The following FLNB variants were observed in gnomAD, a reference collection of about 807,000 sequenced individuals.
FLNB encodes the protein filamin B.
A neutral mutation model predicts 250.6 loss-of-function variants in FLNB; 111 were observed. The observed-to-expected ratio is 0.44, with a 90% confidence interval of 0.38 to 0.52. The LOEUF (loss-of-function observed/expected upper bound fraction) is 0.52. FLNB is among the 20% of genes least tolerant of loss of function. The pLI is 0.00. For missense variants in FLNB, 2,869 were observed against 3,447.8 expected (o/e 0.83, Z 4.20); for synonymous variants, 1,302 against 1,372.1 (o/e 0.95, Z 1.13).
chr3:58,143,273 G>T (rs551971609), intron 31 of FLNB, among the ~76,000 whole-genome samples, 200 bp from the exon 32 acceptor site: 56 of 150,730 alleles, frequency 3.7e-4, no homozygotes, highest in Admixed American at 3.4e-3. Flanking sequence ...GCTATATTTT[G>T]TGGAAGCCAA....
At chr3:58,043,322 A>G (rs1170059017) in intron 1 of FLNB, among the ~76,000 whole-genome samples, 1 of 151,748 alleles carries the variant, frequency 6.6e-6, no homozygotes, top group Non-Finnish European at 1.5e-5. Context: ...TTTAATAGAG[A>G]CAGGATTTCA....
intron 1 of FLNB, among the ~76,000 whole-genome samples, chr3:58,024,714 TTTTTTTTTTTTTTTA>T (rs1196193398): frequency 5.2e-5 from 6 of 115,816 alleles, no homozygotes; most frequent in Admixed American, 1.7e-4. Context: ...TTTTTTTTTT[TTTTTTTTTTTTTTTA>T]ACCTTGAGAC....
chr3:58,153,586 C>A lies in FLNB; in HGVS notation c.6579C>A (p.Ala2193=). The stretch of plus-strand genomic sequence containing the variant: ...TGGGGCCACTTGGTGAAGGAGGCGC[C>A]CACAAGGTGCGGGCAGGAGGCCCTG... ...FTVGPLGEGG[A]HKVRAGGPGL... Residue 2193 remains alanine, a synonymous_variant, in exon 39 of 46, where the codon GCC becomes GCA. Transcript: ENST00000295956. 3 of 1,614,146 alleles carry A rather than the reference C, an allele frequency of 1.9e-6. No homozygotes were observed. The highest frequency in any genetic ancestry group is 2.5e-6 in the Non-Finnish European group (3 of 1,180,034).
intron 12 of FLNB, 145 bp downstream of exon 12, chr3:58,107,018 T>TGTTG: frequency 1.5e-6 from 1 of 687,734 alleles, no homozygotes; most frequent in East Asian, 2.7e-5. Flanking sequence ...TGCATTTGTT[T>TGTTG]GTTTGTTTGT....
At chr3:58,071,635 A>T (rs1489284234) in intron 1 of FLNB, among the ~76,000 whole-genome samples, 2 of 152,184 alleles carry the variant, frequency 1.3e-5, no homozygotes, top group East Asian at 3.8e-4. Flanking sequence ...AGCTACCTGC[A>T]TTGTGGCCAA....
Position 58,109,320 on chromosome 3 carries a change from A to C in FLNB, c.2197A>C (p.Arg733=). ...CGTGAACATCCCGCACAGCCCCTAC[A>C]GGGTAGGTTGTGAGGCAGAATCCTG... ...GGVNIPHSPY[R]VNIGQGSHPQ... is the part of the protein sequence containing the mutation. Residue 733 remains arginine, a splice_region_variant and synonymous_variant, in exon 14 of 46, where the codon AGG becomes CGG. Transcript: ENST00000295956. 6.2e-7 allele frequency: 1 copy of C among 1,613,362 alleles called. No homozygotes were observed. Among genetic ancestry groups the C allele is most frequent in the Non-Finnish European group, 8.5e-7 (1 of 1,179,674 alleles).
chr3:58,112,649 G>GCA (rs150023307), intron 18 of FLNB, among the ~76,000 whole-genome samples: 46 of 152,040 alleles, frequency 3.0e-4, no homozygotes, highest in Admixed American at 1.3e-3. Flanking sequence ...GCACACATGT[G>GCA]CACACACACA....
chr3:58,116,831 T>A (rs2097278940), intron 18 of FLNB, among the ~76,000 whole-genome samples: 1 of 152,180 alleles, frequency 6.6e-6, no homozygotes, highest in Non-Finnish European at 1.5e-5. Context: ...ATGTCTCCAT[T>A]ACGTGCTGTG....
intron 36 of FLNB, chr3:58,149,483 T>C (rs980640548): frequency 3.1e-6 from 1 of 322,664 alleles, no homozygotes; most frequent in African/African-American, 2.1e-5. Flanking sequence ...ATTTAAAAAT[T>C]CAAAATCTCA....
chr3:58,055,267 C>CA (rs11375409), intron 1 of FLNB, among the ~76,000 whole-genome samples: 32,943 of 143,748 alleles, frequency 0.23, 3,967 homozygotes, highest in Middle Eastern at 0.34. Context: ...TTCTGTCTCT[C>CA]AAAAAAAAAA....
chr3:58,124,067 C>A (rs950245713), intron 21 of FLNB, among the ~76,000 whole-genome samples: 1 of 152,188 alleles, frequency 6.6e-6, no homozygotes, highest in Non-Finnish European at 1.5e-5. Flanking sequence ...CACCTGCATG[C>A]CACACAGCAG....
At chr3:58,055,604 T>C (rs1014187085) in intron 1 of FLNB, among the ~76,000 whole-genome samples, 1 of 152,196 alleles carries the variant, frequency 6.6e-6, no homozygotes, top group Non-Finnish European at 1.5e-5. Context: ...GTGGTGCTAA[T>C]AGACAGTGGT....
At chr3:58,070,886 G>A (rs544008193) in intron 1 of FLNB, among the ~76,000 whole-genome samples, 9 of 150,854 alleles carry the variant, frequency 6.0e-5, no homozygotes, top group East Asian at 3.9e-4. Context: ...TCCTGACCTC[G>A]TGATCTGCCC....
At chr3:58,170,366 A>C (rs2097380157) in intron 45 of FLNB, 3 of 596,926 alleles carry the variant, frequency 5.0e-6, no homozygotes, top group Non-Finnish European at 9.0e-6. Context: ...ATTCCAGTCC[A>C]AGGTCACCCA....
At chr3:58,078,165 G>T (rs957162323) in intron 2 of FLNB, 1 of 639,002 alleles carries the variant, frequency 1.6e-6, no homozygotes, top group African/African-American at 2.0e-5. Context: ...TCAAAGTGCA[G>T]CATTAATTGA....
Position 58,109,248 on chromosome 3 carries a change from A to G in FLNB, c.2125A>G (p.Thr709Ala). 6.2e-7 allele frequency: 1 copy of G among 1,614,072 alleles called. No individual in the cohort carries two copies. The highest frequency in any genetic ancestry group is 8.5e-7 in the Non-Finnish European group (1 of 1,180,026). Residue 709 changes from threonine (T) to alanine (A), a missense_variant, in exon 14 of 46, where the codon ACC becomes GCC. Thr to Ala is a moderately conservative substitution (Grantham distance 58). Transcript: ENST00000295956. Reference protein sequence around the residue: ...RMDGTYACSYTPVKAIKHTIA... With the variant: ...RMDGTYACSYAPVKAIKHTIA... ...GGACGGCACATATGCATGCTCATACACCCCGGTGAAGGCCATCAAGCACAC... is the reference window on the plus strand; with the variant it reads ...GGACGGCACATATGCATGCTCATACGCCCCGGTGAAGGCCATCAAGCACAC...
intron 32 of FLNB, among the ~76,000 whole-genome samples, 164 bp downstream of exon 32, chr3:58,143,777 C>T (rs527925847): frequency 6.6e-6 from 1 of 152,332 alleles, no homozygotes; most frequent in South Asian, 2.1e-4. Context: ...CCTAGCAGGT[C>T]CAGCTGATTT....
intron 4 of FLNB, among the ~76,000 whole-genome samples, chr3:58,082,221 C>T (rs535174791): frequency 9.8e-5 from 15 of 152,294 alleles, no homozygotes; most frequent in Non-Finnish European, 1.5e-4. Context: ...TACTTCCTTG[C>T]TAAGACATCC....
At chr3:58,139,008 T>G (rs2097321674) in intron 29 of FLNB, among the ~76,000 whole-genome samples, 1 of 152,164 alleles carries the variant, frequency 6.6e-6, no homozygotes, top group Admixed American at 6.5e-5. Flanking sequence ...TTTGGAAAGA[T>G]TCACACTTTA....
Sources: allele counts gnomAD v4.1 joint callset (sites outside exome capture counted in the v4.1 genomes callset), GRCh38; gene constraint gnomAD v4.1.1; transcripts MANE v1.5; gene names NCBI Gene and HGNC (gene_info 2026-07-23, HGNC 2026-07-21).